Variants in MUC17 observed in about 807,000 individuals in gnomAD.
MUC17 encodes mucin-17.
In MUC17, 190 loss-of-function variants were observed where a neutral mutation model predicts 170.3. That is an observed-to-expected ratio of 1.12 (90% CI 0.99 to 1.26). The LOEUF (loss-of-function observed/expected upper bound fraction) is 1.26, where lower values mean the gene tolerates loss of function less well. Among genes scored for constraint, MUC17 ranks in the 50% most tolerant of loss-of-function variants. The pLI, the probability that MUC17 is intolerant of heterozygous loss-of-function variation, is 0.00. For synonymous variants in MUC17, 2,325 were observed against 2,002.5 expected, an observed-to-expected ratio of 1.16 and a Z score of -4.30; for missense variants, 6,415 against 5,530.0, an observed-to-expected ratio of 1.16 and a Z score of -5.08.
chr7:101,030,447 A>C (rs563403340), intron 1 of MUC17, among the ~76,000 whole-genome samples: 32 of 151,636 alleles, frequency 2.1e-4, no homozygotes, highest in African/African-American at 7.8e-4. Flanking sequence ...CTGGTCTCGA[A>C]CTCCTGACCT....
chr7:101,034,755 G>T lies in MUC17; in HGVS notation c.3339G>T (p.Val1113=), dbSNP rs1274174875. 1 of 1,606,604 alleles carries T rather than the reference G, an allele frequency of 6.2e-7. No homozygotes were observed. Among genetic ancestry groups the T allele is most frequent in the Non-Finnish European group, 8.5e-7 (1 of 1,175,846 alleles). Residue 1113 remains valine, a synonymous_variant, in exon 3 of 13, where the codon GTG becomes GTT. Coordinates refer to ENST00000306151, the MANE Select transcript of MUC17 (RefSeq NM_001040105.2). ...LTSVPVSTRL[V]VSSEASTLST... is the part of the protein sequence containing the mutation. ...GTGTGCCTGTCAGCACCAGGCTGGTGGTCAGTTCTGAGGCTAGCACCCTTT... is the reference window on the plus strand; with the variant it reads ...GTGTGCCTGTCAGCACCAGGCTGGTTGTCAGTTCTGAGGCTAGCACCCTTT...
intron 3 of MUC17, among the ~76,000 whole-genome samples, chr7:101,047,488 ATAG>A (rs1018208285): frequency 2.6e-5 from 4 of 152,182 alleles, no homozygotes; most frequent in African/African-American, 9.7e-5. Context: ...AGTGAGGATA[ATAG>A]TAACTGTCCT....
rs867478407 is a variant in MUC17, at chr7:101,039,448, G to A, written c.8032G>A (p.Glu2678Lys). 2 of 1,610,770 alleles carry A rather than the reference G, an allele frequency of 1.2e-6. No homozygotes were observed. Among genetic ancestry groups the A allele is most frequent in the Non-Finnish European group, 1.7e-6 (2 of 1,178,738 alleles). ...TGTSSSPTTA[E>K]GSSMPTSTPG... ...AACCAGTTCATCTCCTACAACTGCT[G>A]AAGGTAGCAGCATGCCAACCTCAAC... Residue 2678 changes from glutamate to lysine, a missense_variant, in exon 3 of 13, where the codon GAA (glutamate) becomes AAA (lysine). Coordinates refer to ENST00000306151, the MANE Select transcript of MUC17 (RefSeq NM_001040105.2).
intron 11 of MUC17, among the ~76,000 whole-genome samples, chr7:101,053,840 A>G (rs971880785): frequency 4.0e-5 from 6 of 150,520 alleles, no homozygotes; most frequent in Non-Finnish European, 8.9e-5. Context: ...AGATTGTGCC[A>G]TTGCACTCCA....
In MUC17 at chr7:101,033,753, C is replaced by T. The variant is rs773447977; in HGVS notation, c.2337C>T (p.Thr779=). The part of the protein sequence containing the change: ...TTPLDTSTHI[T]TSTEASCSPT... ...CTCTTGACACAAGCACACATATCAC[C>T]ACTTCTACTGAAGCCAGTTGCTCTC... is the stretch of plus-strand genomic sequence containing the variant. The change falls in exon 3 of 13, where the codon ACC becomes ACT. Residue 779 remains threonine, a synonymous_variant. Coordinates refer to ENST00000306151, the MANE Select transcript of MUC17 (RefSeq NM_001040105.2). 6.2e-7 allele frequency: 1 copy of T among 1,614,010 alleles called. No individual in the cohort carries two copies. The highest frequency in any genetic ancestry group is 8.5e-7 in the Non-Finnish European group (1 of 1,179,926).
chr7:101,057,926 C>A (rs1795076349), intron 12 of MUC17, 77 bp from the exon 13 acceptor site: 1 of 1,263,824 alleles, frequency 7.9e-7, no homozygotes, highest in Non-Finnish European at 1.1e-6. Flanking sequence ...CACTTCCTAT[C>A]CCAATCCTCC....
At chr7:101,046,281 C>A (rs1380665036) in intron 3 of MUC17, among the ~76,000 whole-genome samples, 1 of 152,152 alleles carries the variant, frequency 6.6e-6, no homozygotes, top group Non-Finnish European at 1.5e-5. Flanking sequence ...TTTGCAGAGT[C>A]TATACATACC....
chr7:101,037,804 A>G lies in MUC17; in HGVS notation c.6388A>G (p.Asn2130Asp). ...STLSTTPVDS[N>D]SPVITSTEVS... is the part of the protein sequence containing the mutation. ...CCTTTCAACAACTCCTGTTGACTCC[A>G]ACAGTCCTGTGATCACTTCTACTGA... Residue 2130 changes from asparagine (N) to aspartate (D), a missense_variant, in exon 3 of 13, where the codon AAC becomes GAC. By Grantham distance (23) the Asn-to-Asp change is conservative. Transcript: ENST00000306151. The G allele has an allele frequency of 1.9e-6, 3 of 1,613,310 alleles. No individual in the cohort carries two copies. The highest frequency in any genetic ancestry group is 2.5e-6 in the Non-Finnish European group (3 of 1,179,500).
Position 101,041,112 on chromosome 7 carries a change from G to C in MUC17, c.9696G>C (p.Thr3232=). The part of the protein sequence containing the change: ...TPLTSVPVSN[T]PVASSEASIL... ...TAACTAGTGTACCTGTCAGCAACAC[G>C]CCGGTGGCCAGTTCTGAGGCTAGCA... Residue 3232 remains threonine, a synonymous_variant, in exon 3 of 13, where the codon ACG becomes ACC. Transcript: ENST00000306151. 1 of 1,612,670 alleles carries C rather than the reference G, an allele frequency of 6.2e-7. No homozygotes were observed. Among genetic ancestry groups the C allele is most frequent in the Non-Finnish European group, 8.5e-7 (1 of 1,179,710 alleles).
intron 12 of MUC17, among the ~76,000 whole-genome samples, chr7:101,057,398 G>A (rs1252785904): frequency 3.9e-5 from 6 of 152,182 alleles, no homozygotes; most frequent in Non-Finnish European, 7.4e-5. Flanking sequence ...GGCGGGGAGG[G>A]GAAGGCACAA....
rs776451160 is a variant in MUC17 at position 101,033,313 on chromosome 7, A to T, written c.1897A>T (p.Ser633Cys). 3 of 1,613,636 alleles carry T rather than the reference A, an allele frequency of 1.9e-6. No individual in the cohort carries two copies. Among genetic ancestry groups the T allele is most frequent in the Non-Finnish European group, 2.5e-6 (3 of 1,179,778 alleles). Residue 633 changes from serine to cysteine, a missense_variant, in exon 3 of 13, where the codon AGT becomes TGT. Transcript: ENST00000306151. ...CAGTGAAAGAGGCACTACAATAACAAGTATGTCTGTCAGCACCACACTGGT... is the reference window on the plus strand; with the variant it reads ...CAGTGAAAGAGGCACTACAATAACATGTATGTCTGTCAGCACCACACTGGT... ...TYSERGTTIT[S>C]MSVSTTLVAS...
Position 101,042,365 on chromosome 7 carries a change from C to G in MUC17, c.10949C>G (p.Ser3650Cys). ...MPVSTTSVTI[S>C]EAGTASTLPV... ...GTCAGCACCACATCGGTGACCATTTCTGAGGCTGGCACAGCTTCAACACTT... is the reference window on the plus strand; with the variant it reads ...GTCAGCACCACATCGGTGACCATTTGTGAGGCTGGCACAGCTTCAACACTT... Residue 3650 changes from serine to cysteine, a missense_variant, in exon 3 of 13, where the codon TCT (serine) becomes TGT (cysteine). Ser to Cys is a moderately radical substitution (Grantham distance 112, BLOSUM62 -1). Transcript: ENST00000306151. The G allele has an allele frequency of 6.2e-7, 1 of 1,614,140 alleles. No homozygotes were observed. The highest frequency in any genetic ancestry group is 1.1e-5 in the South Asian group (1 of 91,086).
intron 1 of MUC17, 102 bp downstream of exon 1, chr7:101,020,319 TA>T: frequency 1.1e-6 from 1 of 928,886 alleles, no homozygotes; most frequent in Non-Finnish European, 1.6e-6. Flanking sequence ...AGGACACCAA[TA>T]GGGGTGTGCC....
chr7:101,038,652 T>C lies in MUC17; in HGVS notation c.7236T>C (p.Ser2412=). The C allele has an allele frequency of 6.2e-7, 1 of 1,614,054 alleles. No individual in the cohort carries two copies. The highest frequency in any genetic ancestry group is 1.3e-5 in the African/African-American group (1 of 74,992). Residue 2412 remains serine (S), a synonymous_variant, in exon 3 of 13, where the codon TCT becomes TCC. Transcript: ENST00000306151. ...VPVSTMPVVS[S]EASTHSTTPV... ...TCAGCACCATGCCGGTGGTCAGTTC[T>C]GAGGCTAGCACCCATTCCACAACTC...
In MUC17 at chr7:101,035,240, A is replaced by G. The variant is rs1225957549; in HGVS notation, c.3824A>G (p.Glu1275Gly). ...GTSLPTSTTS[E>G]GSTLLTSIPV... ...AGCTTGCCAACCTCAACTACTAGTG[A>G]AGGAAGTACTCTATTAACAAGTATA... Residue 1275 changes from glutamate to glycine, a missense_variant, in exon 3 of 13, where the codon GAA becomes GGA. By Grantham distance (98) the Glu-to-Gly change is moderately conservative. Transcript: ENST00000306151. 1.2e-6 allele frequency: 2 copies of G among 1,608,964 alleles called. No individual in the cohort carries two copies. Among genetic ancestry groups the G allele is most frequent in the Non-Finnish European group, 1.7e-6 (2 of 1,176,624 alleles).
At chr7:101,044,290 C>T (rs1186811779) in intron 3 of MUC17, among the ~76,000 whole-genome samples, 2 of 152,120 alleles carry the variant, frequency 1.3e-5, no homozygotes, top group African/African-American at 4.8e-5. Context: ...CTACAAAGAA[C>T]TTAAACACAT....
rs148586601 is a variant in MUC17, at chr7:101,037,544, C to T, written c.6128C>T (p.Thr2043Ile). Residue 2043 changes from threonine (T) to isoleucine (I), a missense_variant, in exon 3 of 13, where the codon ACC (threonine) becomes ATC (isoleucine). Coordinates refer to ENST00000306151, the MANE Select transcript of MUC17 (RefSeq NM_001040105.2). ...CAAACCTCAACTCCTAGTGAACGGA[C>T]CACTCCATTAGCAGGTATGCCTGTC... The part of the protein sequence containing the change: ...SIQTSTPSER[T>I]TPLAGMPVST... The T allele has an allele frequency of 7.7e-5, 125 of 1,613,500 alleles. No individual in the cohort carries two copies. The highest frequency in any genetic ancestry group is 1.0e-4 in the Non-Finnish European group (118 of 1,179,836).
rs138256768 is a variant in MUC17, at chr7:101,038,938, T to C, written c.7522T>C (p.Ser2508Pro). 2.5e-6 allele frequency: 4 copies of C among 1,613,832 alleles called. No homozygotes were observed. Among genetic ancestry groups the C allele is most frequent in the Non-Finnish European group, 3.4e-6 (4 of 1,180,006 alleles). The change falls in exon 3 of 13, where the codon TCA becomes CCA. Residue 2508 changes from serine to proline, a missense_variant. Physicochemically the swap from Ser to Pro is moderately conservative, Grantham distance 74 (BLOSUM62 -1). Transcript: ENST00000306151. ...TGCTGAAGATATCGTCGTGCCAATC[T>C]CAACTGCTAGTGAAGGAAGTACTCT... is the stretch of plus-strand genomic sequence containing the variant. ...TTAEDIVVPISTASEGSTLLT... is the reference protein window; with the variant it reads ...TTAEDIVVPIPTASEGSTLLT...
In MUC17 at chr7:101,038,356, A is replaced by G; in HGVS notation, c.6940A>G (p.Thr2314Ala). 1.2e-6 allele frequency: 2 copies of G among 1,613,476 alleles called. No homozygotes were observed. The highest frequency in any genetic ancestry group is 1.3e-5 in the African/African-American group (1 of 74,792). Residue 2314 changes from threonine to alanine, a missense_variant, in exon 3 of 13, where the codon ACT becomes GCT. Thr to Ala is a moderately conservative substitution (Grantham distance 58). Coordinates refer to ENST00000306151, the MANE Select transcript of MUC17 (RefSeq NM_001040105.2). ...CTCCAACACTCCTTTCACTACTTCT[A>G]CTGAAGCCAGTTCACCTCCTCCCAC... is the stretch of plus-strand genomic sequence containing the variant. ...VDSNTPFTTS[T>A]EASSPPPTAE...
Sources: gnomAD v4.1 joint callset for allele counts (sites outside exome capture counted in the v4.1 genomes callset) on GRCh38, gnomAD v4.1.1 for gene constraint, MANE v1.5 for transcripts, NCBI Gene and HGNC (gene_info 2026-07-23, HGNC 2026-07-21) for gene names.